Variants in ASTN2 observed in about 807,000 individuals in gnomAD.
The protein encoded by ASTN2 is astrotactin-2.
ASTN2 carries 54 observed loss-of-function variants against 139.8 expected under a neutral mutation model. The ratio of observed to expected loss-of-function variants is 0.39; its 90% CI spans 0.31 to 0.48. The LOEUF (loss-of-function observed/expected upper bound fraction) is 0.48. Among genes scored for constraint, ASTN2 ranks in the 20% least tolerant of loss-of-function variants. The pLI, the probability that ASTN2 is intolerant of heterozygous loss-of-function variation, is 0.95. For synonymous variants in ASTN2, 756 were observed against 719.5 expected, an observed-to-expected ratio of 1.05 and a Z score of -0.81; for missense variants, 1,565 against 1,725.1, an observed-to-expected ratio of 0.91 and a Z score of 1.64.
intron 7 of ASTN2, among the ~76,000 whole-genome samples, chr9:116,984,000 G>A (rs1203653202): frequency 1.3e-5 from 2 of 152,148 alleles, no homozygotes; most frequent in South Asian, 4.1e-4. Context: ...CGTTATTTTG[G>A]CAAAAGTTTC....
chr9:116,957,153 A>G (rs1409029179), intron 10 of ASTN2, among the ~76,000 whole-genome samples: 1 of 151,770 alleles, frequency 6.6e-6, no homozygotes, highest in Non-Finnish European at 1.5e-5. Context: ...CAGTACTCGC[A>G]TGTCCCAATT....
At chr9:117,143,167 A>G (rs1830114316) in intron 3 of ASTN2, among the ~76,000 whole-genome samples, 1 of 152,214 alleles carries the variant, frequency 6.6e-6, no homozygotes, top group Admixed American at 6.5e-5. Context: ...GCTAAGGTAA[A>G]AAGACAATTG....
chr9:116,839,642 G>A lies in ASTN2; in HGVS notation c.2041-18859C>T, dbSNP rs1423539248. ...TTACAGTTGCTGGAATTACAGCCCC[G>A]TGTGTGCCACACCGGTCTAATTTTT... On this transcript the variant is annotated intron_variant, in intron 11 of 22. Transcript: ENST00000313400. Among the ~76,000 whole-genome samples, 4 of 151,864 alleles carry A rather than the reference G, an allele frequency of 2.6e-5. No homozygotes were observed. In the South Asian group the frequency reaches 6.2e-4, roughly 24 times the overall value.
intron 11 of ASTN2, among the ~76,000 whole-genome samples, chr9:116,861,858 GCA>G (rs1832890395): frequency 6.6e-6 from 1 of 152,176 alleles, no homozygotes; most frequent in Non-Finnish European, 1.5e-5. Context: ...CCCAAGAATG[GCA>G]CAGTGCTAAG....
chr9:116,805,733 A>G lies in ASTN2; in HGVS notation c.2295T>C (p.Pro765=). The change falls in exon 13 of 23, where the codon CCT becomes CCC. Residue 765 remains proline, a synonymous_variant. Coordinates refer to ENST00000313400, the MANE Select transcript of ASTN2 (RefSeq NM_001365068.1). The stretch of plus-strand genomic sequence containing the variant: ...AGAGGGTATCATTGAATTTGGAGTC[A>G]GGTTTGAGGCACTTGGGGCCCTCGC... The part of the protein sequence containing the change: ...DVCEGPKCLK[P]DSKFNDTLFG... 6.2e-7 allele frequency: 1 copy of G among 1,613,978 alleles called. No homozygotes were observed. The highest frequency in any genetic ancestry group is 8.5e-7 in the Non-Finnish European group (1 of 1,179,862).
At chr9:116,857,796 T>C (rs1334885580) in intron 11 of ASTN2, among the ~76,000 whole-genome samples, 1 of 152,196 alleles carries the variant, frequency 6.6e-6, no homozygotes. Context: ...ACTCTTCGCA[T>C]TGACAGGTGA....
intron 16 of ASTN2, among the ~76,000 whole-genome samples, chr9:116,659,991 C>T (rs1323305183): frequency 6.6e-6 from 1 of 152,120 alleles, no homozygotes; most frequent in African/African-American, 2.4e-5. Flanking sequence ...ATCTACAGTA[C>T]TCACGCCTGG....
chr9:116,971,695 G>A (rs1037307666), intron 10 of ASTN2, among the ~76,000 whole-genome samples: 6 of 152,110 alleles, frequency 3.9e-5, no homozygotes, highest in African/African-American at 1.2e-4. Context: ...GCGAAAACAT[G>A]AGAAAATAAT....
chr9:116,840,434 C>G (rs1832180512), intron 11 of ASTN2, among the ~76,000 whole-genome samples: 1 of 150,320 alleles, frequency 6.7e-6, no homozygotes, highest in Non-Finnish European at 1.5e-5. Context: ...AGGGGCTCCT[C>G]ACTTCCCAGT....
chr9:116,734,463 G>T (rs1401882628), intron 13 of ASTN2, among the ~76,000 whole-genome samples: 1 of 152,178 alleles, frequency 6.6e-6, no homozygotes, highest in African/African-American at 2.4e-5. Flanking sequence ...TTGGCAGCCA[G>T]TTGGCACGGA....
At position 116,630,165 on chromosome 9, in the gene ASTN2, G is replaced by C. The variant is rs1223060415; in HGVS notation, c.3073-9722C>G. On this transcript the variant is annotated intron_variant, in intron 17 of 22. Transcript: ENST00000313400. ...CACCATGAATTTGATAATCCTATTGGTGTCACTATATAGAGGATGAGACTG... is the reference window on the plus strand; with the variant it reads ...CACCATGAATTTGATAATCCTATTGCTGTCACTATATAGAGGATGAGACTG... Among the ~76,000 whole-genome samples, 8 of 152,230 alleles carry C rather than the reference G, an allele frequency of 5.3e-5. No individual in the cohort carries two copies. The South Asian group carries it at 1.5e-3, about 28-fold the overall frequency.
At chr9:116,581,773 T>C (rs951869431) in intron 19 of ASTN2, among the ~76,000 whole-genome samples, 5 of 152,218 alleles carry the variant, frequency 3.3e-5, no homozygotes, top group African/African-American at 9.6e-5. Flanking sequence ...AGTTCACTTA[T>C]AGTCTACCAC....
At chr9:116,623,329 C>T (rs1322207855) in intron 17 of ASTN2, among the ~76,000 whole-genome samples, 1 of 152,102 alleles carries the variant, frequency 6.6e-6, no homozygotes, top group Non-Finnish European at 1.5e-5. Flanking sequence ...GAATCCACAT[C>T]CACTGGCTCT....
At chr9:116,970,554 C>T (rs1408094116) in intron 10 of ASTN2, among the ~76,000 whole-genome samples, 1 of 152,172 alleles carries the variant, frequency 6.6e-6, no homozygotes, top group African/African-American at 2.4e-5. Context: ...GCAATTTTGA[C>T]TCATTTAAAG....
chr9:116,601,130 GC>G (rs1382900150), intron 19 of ASTN2, among the ~76,000 whole-genome samples: 1 of 152,144 alleles, frequency 6.6e-6, no homozygotes, highest in Non-Finnish European at 1.5e-5. Flanking sequence ...CAACAAGAGG[GC>G]CAAATCTAAT....
At chr9:117,291,854 G>A (rs1034381811) in intron 1 of ASTN2, among the ~76,000 whole-genome samples, 2 of 152,154 alleles carry the variant, frequency 1.3e-5, no homozygotes, top group Admixed American at 1.3e-4. Flanking sequence ...TGTGGCTATG[G>A]AACTAGAAGA....
intron 4 of ASTN2, among the ~76,000 whole-genome samples, chr9:117,138,622 G>A (rs1266568550): frequency 6.6e-6 from 1 of 152,204 alleles, no homozygotes; most frequent in Non-Finnish European, 1.5e-5. Context: ...GATTGCTTTG[G>A]TAGTTTTGAG....
At chr9:116,947,663 A>G (rs1280991023) in intron 10 of ASTN2, among the ~76,000 whole-genome samples, 1 of 152,226 alleles carries the variant, frequency 6.6e-6, no homozygotes, top group Non-Finnish European at 1.5e-5. Context: ...AGTCCTGGTC[A>G]GACCAAGGAA....
At chr9:117,338,424 T>C (rs1828958750) in intron 1 of ASTN2, among the ~76,000 whole-genome samples, 1 of 152,154 alleles carries the variant, frequency 6.6e-6, no homozygotes, top group African/African-American at 2.4e-5. Flanking sequence ...ATTTATCAGT[T>C]CATCCATCCA....
Sources: gnomAD v4.1 joint callset for allele counts (sites outside exome capture counted in the v4.1 genomes callset) on GRCh38, gnomAD v4.1.1 for gene constraint, MANE v1.5 for transcripts, NCBI Gene and HGNC (gene_info 2026-07-23, HGNC 2026-07-21) for gene names.